SEC23A: variants seen among roughly 807,000 people sequenced by gnomAD.
The protein encoded by SEC23A is SEC23 homolog A, COPII component.
Under a neutral mutation model 103.7 loss-of-function variants are expected in SEC23A, and 56 were observed. The observed-to-expected ratio is 0.54, with a 90% confidence interval of 0.44 to 0.67. The LOEUF (loss-of-function observed/expected upper bound fraction) is 0.67. Among genes scored for constraint, SEC23A ranks in the 30% least tolerant of loss-of-function variants. The pLI is 0.00. For synonymous variants in SEC23A, 281 were observed against 293.0 expected, an observed-to-expected ratio of 0.96 and a Z score of 0.42; for missense variants, 784 against 936.4, an observed-to-expected ratio of 0.84 and a Z score of 2.12.
rs1886999271 is a variant in SEC23A, at chr14:39,075,947, T to C, written c.975A>G (p.Lys325=). The C allele has an allele frequency of 6.2e-7, 1 of 1,613,910 alleles. No homozygotes were observed. The highest frequency in any genetic ancestry group is 8.5e-7 in the Non-Finnish European group (1 of 1,179,974). The change falls in exon 8 of 20, where the codon AAA becomes AAG. Residue 325 remains lysine, a synonymous_variant. Transcript: ENST00000307712. ...CAGTCAAAATTACCTTAGTTCCCTT[T>C]TTAACATATTTGGCATTGTCTTTGT... The part of the protein sequence containing the change: ...DIDKDNAKYV[K]KGTKHFEALA...
At position 39,049,840 on chromosome 14, in the gene SEC23A, T is replaced by A. The variant is rs540694989; in HGVS notation, c.1660-1111A>T. On this transcript the variant is annotated intron_variant, in intron 14 of 19. Transcript: ENST00000307712. ...AAGAGTCTCGCTCTGTCACCCAGGA[T>A]GGAGTGCAGTGGCGCGATCTCGGTT... is the stretch of plus-strand genomic sequence containing the variant. Among the ~76,000 whole-genome samples the A allele has an allele frequency of 2.6e-5, 4 of 151,348 alleles. No individual in the cohort carries two copies. The South Asian group carries it at 8.3e-4, about 32-fold the overall frequency.
At position 39,042,895 on chromosome 14, in the gene SEC23A, A is replaced by C. The variant is rs141058371; in HGVS notation, c.1900-23T>G. 966 of 1,499,668 alleles carry C rather than the reference A, an allele frequency of 6.4e-4. 24 individuals are homozygous for C. The East Asian group carries it at 0.022, about 33-fold the overall frequency. 92.9% of individuals were successfully genotyped at this position (1,499,668 alleles called of 1,614,324 possible). ...CGGCTAACGTAAAGAAAACAATGAG[A>C]AATGAGGAAAAAGGAAAAATAATCT... On this transcript the variant is annotated intron_variant, in intron 16 of 19. Coordinates refer to ENST00000307712, the MANE Select transcript of SEC23A (RefSeq NM_006364.4).
chr14:39,070,907 G>C (rs1886820941), intron 9 of SEC23A, among the ~76,000 whole-genome samples: 1 of 152,036 alleles, frequency 6.6e-6, no homozygotes, highest in Non-Finnish European at 1.5e-5. Context: ...CATGCCTGTA[G>C]TCCCAGCTAC....
chr14:39,052,713 T>TA (rs1886109115), intron 14 of SEC23A, among the ~76,000 whole-genome samples: 2 of 152,128 alleles, frequency 1.3e-5, no homozygotes, highest in African/African-American at 4.8e-5. Context: ...TCACAATTAG[T>TA]GAAAAAAACT....
intron 13 of SEC23A, among the ~76,000 whole-genome samples, chr14:39,058,538 A>G (rs1886331282): frequency 1.3e-5 from 2 of 151,998 alleles, no homozygotes; most frequent in South Asian, 4.1e-4. Flanking sequence ...TGATCTCCTG[A>G]CCTCATGATC....
At chr14:39,034,478 T>C (rs577553260) in intron 19 of SEC23A, among the ~76,000 whole-genome samples, 33 of 152,364 alleles carry the variant, frequency 2.2e-4, no homozygotes, top group Non-Finnish European at 4.3e-4. Flanking sequence ...TTATTCTATA[T>C]GCATAGCTAA....
intron 7 of SEC23A, among the ~76,000 whole-genome samples, chr14:39,080,679 T>C (rs1210549753): frequency 2.0e-5 from 3 of 152,196 alleles, no homozygotes; most frequent in African/African-American, 7.2e-5. Context: ...GTGCTGGGAT[T>C]ACAGGCATGA....
At chr14:39,092,018 A>C (rs2139288303) in intron 4 of SEC23A, among the ~76,000 whole-genome samples, 1 of 152,354 alleles carries the variant, frequency 6.6e-6, no homozygotes, top group South Asian at 2.1e-4. Flanking sequence ...TTGGATTTTC[A>C]GATAACTAGA....
intron 13 of SEC23A, among the ~76,000 whole-genome samples, chr14:39,059,295 A>ACAAC (rs1886378956): frequency 8.6e-6 from 1 of 115,612 alleles, no homozygotes; most frequent in Admixed American, 8.1e-5. Flanking sequence ...AAAAAAAAAA[A>ACAAC]AAAAAAAAAA....
chr14:39,066,599 T>C (rs1450168700), intron 10 of SEC23A, among the ~76,000 whole-genome samples: 1 of 152,094 alleles, frequency 6.6e-6, no homozygotes, highest in Non-Finnish European at 1.5e-5. Context: ...ACGTGGTGGC[T>C]CATGTCTGTA....
At chr14:39,062,360 C>A (rs1886506844) in intron 12 of SEC23A, among the ~76,000 whole-genome samples, 1 of 152,088 alleles carries the variant, frequency 6.6e-6, no homozygotes, top group African/African-American at 2.4e-5. Flanking sequence ...TGAGCATTTT[C>A]TTTGAGTGTC....
chr14:39,044,856 C>T (rs957381089), intron 16 of SEC23A, among the ~76,000 whole-genome samples: 7 of 152,068 alleles, frequency 4.6e-5, no homozygotes, highest in East Asian at 1.9e-4. Context: ...TTGTTAAAGA[C>T]GTAAAGAATA....
intron 14 of SEC23A, among the ~76,000 whole-genome samples, chr14:39,053,253 T>G (rs552349078): frequency 2.0e-5 from 3 of 152,328 alleles, no homozygotes; most frequent in Admixed American, 6.5e-5. Flanking sequence ...TATAATAAGC[T>G]GAAAAATAAC....
intron 1 of SEC23A, among the ~76,000 whole-genome samples, chr14:39,099,308 G>T (rs989662670): frequency 6.6e-6 from 1 of 151,830 alleles, no homozygotes; most frequent in African/African-American, 2.4e-5. Context: ...ACATGCGCGT[G>T]CCACCATACC....
chr14:39,091,712 C>T lies in SEC23A; in HGVS notation c.368G>A (p.Arg123His), dbSNP rs763694051. 12 of 1,610,358 alleles carry T rather than the reference C, an allele frequency of 7.5e-6. No individual in the cohort carries two copies. The highest frequency in any genetic ancestry group is 2.7e-5 in the African/African-American group (2 of 74,820). ...QFSSIEYVVL[R>H]GPQMPLIFLY... ...GAATATCAAAGGCATCTGAGGACCA[C>T]GCTTTTAAAAAATTCACCAAAAAGA... Residue 123 changes from arginine (R) to histidine (H), a missense_variant and splice_region_variant, in exon 5 of 20, where the codon CGT becomes CAT. This residue lies in a region of SEC23A where 683 missense variants were observed against 774.2 expected (regional missense o/e 0.88). Transcript: ENST00000307712.
At position 39,071,503 on chromosome 14, in the gene SEC23A, C is replaced by T. The variant is rs566882430; in HGVS notation, c.1103+2912G>A. Among the ~76,000 whole-genome samples, 7 of 152,228 alleles carry T rather than the reference C, an allele frequency of 4.6e-5. No individual in the cohort carries two copies. The South Asian group carries it at 8.3e-4, about 18-fold the overall frequency. Reference sequence around the variant, plus strand: ...GGCAGAGGTTGCAGTGAGCTGAGATCGCACCACTGCACTCCAGCCTGGGCA... The same window carrying T: ...GGCAGAGGTTGCAGTGAGCTGAGATTGCACCACTGCACTCCAGCCTGGGCA... On this transcript the variant is annotated intron_variant, in intron 9 of 19. Coordinates refer to ENST00000307712, the MANE Select transcript of SEC23A (RefSeq NM_006364.4).
At chr14:39,048,383 G>T (rs1885920424) in intron 15 of SEC23A, among the ~76,000 whole-genome samples, 1 of 151,966 alleles carries the variant, frequency 6.6e-6, no homozygotes, top group African/African-American at 2.4e-5. Context: ...GGAGGCCAAG[G>T]CAGAAGAACT....
chr14:39,090,911 C>A, intron 5 of SEC23A: 1 of 297,776 alleles, frequency 3.4e-6, no homozygotes. Flanking sequence ...AAAGGACTGG[C>A]CAATGTCAAC....
In SEC23A at chr14:39,061,707, G is replaced by A. The variant is rs140581794; in HGVS notation, c.1505+58C>T. 3.2e-4 allele frequency: 394 copies of A among 1,218,222 alleles called. No homozygotes were observed. The African/African-American group carries it at 5.1e-3, about 16-fold the overall frequency. 75.5% of individuals were successfully genotyped at this position (1,218,222 alleles called of 1,614,324 possible). A position where few individuals can be genotyped will look rare whatever the true frequency, so the allele number is the denominator to read the frequency against. ...TCACCCAAAATAGGAATCCAGTTTG[G>A]AAACACAACCCAGATACCTGTGATA... On this transcript the variant is annotated intron_variant, in intron 13 of 19. Transcript: ENST00000307712.
Sources: allele counts gnomAD v4.1 joint callset (sites outside exome capture counted in the v4.1 genomes callset), GRCh38; gene constraint gnomAD v4.1.1; regional missense constraint gnomAD v4.1.1; transcripts MANE v1.5; gene names NCBI Gene and HGNC (gene_info 2026-07-23, HGNC 2026-07-21).